The following GALNT13 variants were observed in gnomAD, a reference collection of about 807,000 sequenced individuals.
The protein encoded by GALNT13 is polypeptide N-acetylgalactosaminyltransferase 13.
A neutral mutation model predicts 64.2 loss-of-function variants in GALNT13; 28 were observed. The ratio of observed to expected loss-of-function variants is 0.44; its 90% CI spans 0.32 to 0.60. The LOEUF (loss-of-function observed/expected upper bound fraction) is 0.60. Ranked by LOEUF, GALNT13 falls within the 20% of genes least tolerant of loss-of-function variation. The pLI, the probability that GALNT13 is intolerant of heterozygous loss-of-function variation, is 0.05. For synonymous variants in GALNT13, 214 were observed against 224.6 expected, an observed-to-expected ratio of 0.95 and a Z score of 0.42; for missense variants, 577 against 669.8, an observed-to-expected ratio of 0.86 and a Z score of 1.53.
the GALNT13 span, among the ~76,000 whole-genome samples, chr2:153,333,330 G>C: frequency 3.9e-5 from 6 of 152,304 alleles, no homozygotes; most frequent in African/African-American, 9.6e-5. Flanking sequence ...GTGGAAAGGT[G>C]AGTCACGGAG....
chr2:153,387,265 T>C, the GALNT13 span, among the ~76,000 whole-genome samples: 2 of 152,142 alleles, frequency 1.3e-5, no homozygotes, highest in African/African-American at 4.8e-5. Flanking sequence ...TACAATGTTA[T>C]GCTTGTTCCA....
chr2:153,298,319 C>T, the GALNT13 span, among the ~76,000 whole-genome samples: 21 of 152,178 alleles, frequency 1.4e-4, no homozygotes, highest in Admixed American at 2.6e-4. Context: ...TACATATCTA[C>T]GGACTATCAG....
the GALNT13 span, among the ~76,000 whole-genome samples, chr2:153,279,209 G>T: frequency 0.34 from 51,761 of 151,928 alleles, 9,040 homozygotes; most frequent in Middle Eastern, 0.51. Context: ...CACTGATTTT[G>T]TATCCTCCAT....
At chr2:154,070,373 C>T (rs1027573335) in intron 3 of GALNT13, among the ~76,000 whole-genome samples, 1 of 152,062 alleles carries the variant, frequency 6.6e-6, no homozygotes, top group Non-Finnish European at 1.5e-5. Flanking sequence ...CATATGGTTC[C>T]ATGTATTGAT....
intron 3 of GALNT13, among the ~76,000 whole-genome samples, chr2:154,079,043 A>G (rs1701133590): frequency 6.6e-6 from 1 of 151,694 alleles, no homozygotes; most frequent in African/African-American, 2.4e-5. Context: ...AGTGACTATA[A>G]TGATTACAAC....
chr2:153,151,707 AT>A, the GALNT13 span, among the ~76,000 whole-genome samples: 1 of 152,082 alleles, frequency 6.6e-6, no homozygotes, highest in Non-Finnish European at 1.5e-5. Context: ...GGAAACCATC[AT>A]TCTCAGCAAA....
chr2:153,754,980 C>T, the GALNT13 span, among the ~76,000 whole-genome samples: 2 of 152,138 alleles, frequency 1.3e-5, no homozygotes, highest in Non-Finnish European at 2.9e-5. Flanking sequence ...CAGGATAGCA[C>T]TGTGTTCAAT....
chr2:153,139,752 G>T, the GALNT13 span, among the ~76,000 whole-genome samples: 1 of 151,980 alleles, frequency 6.6e-6, no homozygotes, highest in South Asian at 2.1e-4. Context: ...AGGGAGAGGG[G>T]GGATAATCAG....
chr2:153,140,110 T>C, the GALNT13 span, among the ~76,000 whole-genome samples: 28 of 152,040 alleles, frequency 1.8e-4, no homozygotes, highest in Non-Finnish European at 3.1e-4. Context: ...CCTTAAGATT[T>C]GTTACGCCAG....
chr2:154,234,800 G>C (rs16836281), intron 4 of GALNT13, among the ~76,000 whole-genome samples: 1 of 151,980 alleles, frequency 6.6e-6, no homozygotes, highest in Non-Finnish European at 1.5e-5. Flanking sequence ...ATATTTTTGT[G>C]ACATGCAGAA....
chr2:153,322,503 GATTT>G, the GALNT13 span, among the ~76,000 whole-genome samples: 5 of 151,918 alleles, frequency 3.3e-5, no homozygotes, highest in African/African-American at 9.7e-5. Flanking sequence ...TTGGTAGAAT[GATTT>G]ATTTATTTAT....
At chr2:153,951,623 A>C (rs1558871115) in intron 3 of GALNT13, among the ~76,000 whole-genome samples, 3 of 152,048 alleles carry the variant, frequency 2.0e-5, no homozygotes, top group Non-Finnish European at 4.4e-5. Context: ...TTCCTGAGAG[A>C]AGGAAGGATG....
At chr2:154,155,702 C>T (rs2105644674) in intron 4 of GALNT13, among the ~76,000 whole-genome samples, 1 of 152,010 alleles carries the variant, frequency 6.6e-6, no homozygotes, top group East Asian at 1.9e-4. Context: ...CTTGCAAAGT[C>T]TCCCTGTAGA....
At chr2:153,147,146 G>T in the GALNT13 span, among the ~76,000 whole-genome samples, 1 of 139,950 alleles carries the variant, frequency 7.1e-6, no homozygotes, top group Admixed American at 7.0e-5. Context: ...ATTCCCATTT[G>T]GGCAAAAAAG....
At chr2:153,994,816 T>C (rs1695409200) in intron 3 of GALNT13, among the ~76,000 whole-genome samples, 1 of 152,184 alleles carries the variant, frequency 6.6e-6, no homozygotes, top group South Asian at 2.1e-4. Flanking sequence ...TTCTGGATAC[T>C]AGCTTTTTTT....
chr2:153,435,359 T>C, the GALNT13 span, among the ~76,000 whole-genome samples: 1 of 152,206 alleles, frequency 6.6e-6, no homozygotes. Context: ...TTTCCAATTC[T>C]GTGAAGAAAG....
chr2:154,343,939 T>C (rs1014169662), intron 9 of GALNT13, among the ~76,000 whole-genome samples: 7 of 152,078 alleles, frequency 4.6e-5, no homozygotes, highest in African/African-American at 1.7e-4. Flanking sequence ...TGTGATTCTG[T>C]CACTTGTGTC....
chr2:153,100,973 G>T, the GALNT13 span, among the ~76,000 whole-genome samples: 1 of 152,108 alleles, frequency 6.6e-6, no homozygotes, highest in African/African-American at 2.4e-5. Context: ...AGGTTGCAGT[G>T]AGCCAAGATC....
At chr2:153,411,191 T>C in the GALNT13 span, among the ~76,000 whole-genome samples, 5,561 of 148,676 alleles carry the variant, frequency 0.037, 352 homozygotes, top group African/African-American at 0.13. Context: ...TTTTTTTTTT[T>C]CCTAAACTGA....
Sources: allele counts gnomAD v4.1 joint callset (sites outside exome capture counted in the v4.1 genomes callset), GRCh38; gene constraint gnomAD v4.1.1; transcripts MANE v1.5; gene names NCBI Gene and HGNC (gene_info 2026-07-23, HGNC 2026-07-21).